Variants in CP observed in about 807,000 individuals in gnomAD.
CP encodes ceruloplasmin, also known as caeruloplasmin.
Under a neutral mutation model 122.4 loss-of-function variants are expected in CP, and 64 were observed. The observed-to-expected ratio is 0.52, with a 90% CI of 0.43 to 0.64. CP has a LOEUF of 0.64. Ranked by LOEUF, CP falls within the 30% of genes least tolerant of loss-of-function variation. CP has a pLI of 0.00. For missense variants in CP, 1,167 were observed against 1,284.4 expected (o/e 0.91, Z 1.40); for synonymous variants, 440 against 436.4 (o/e 1.01, Z -0.10).
At chr3:149,180,001 C>T in intron 14 of CP, 1 of 289,464 alleles carries the variant, frequency 3.5e-6, no homozygotes, top group Non-Finnish European at 6.7e-6. Context: ...GTGTGTTTTC[C>T]TAATATACTT....
chr3:149,168,573 A>G (rs545136573), downstream of CP: 1 of 152,482 alleles, frequency 6.6e-6, no homozygotes, highest in East Asian at 1.9e-4. Context: ...AGCACATAAA[A>G]TATTAGAAAT....
intron 9 of CP, among the ~76,000 whole-genome samples, chr3:149,189,685 A>G (rs1421774242): frequency 4.6e-5 from 7 of 152,344 alleles, no homozygotes; most frequent in African/African-American, 1.7e-4. Context: ...ACAAAAATGT[A>G]ACACCAGGTA....
intron 6 of CP, 148 bp from the exon 7 acceptor site, chr3:149,202,389 C>G: frequency 1.0e-6 from 1 of 970,034 alleles, no homozygotes. Flanking sequence ...ACCAGTTACT[C>G]AAACAAAGCA....
intron 17 of CP, 43 bp downstream of exon 17, chr3:149,177,797 A>C: frequency 6.2e-7 from 1 of 1,605,452 alleles, no homozygotes; most frequent in Non-Finnish European, 8.5e-7. Flanking sequence ...GTATTAAAAC[A>C]TTTTCAAACA....
intron 2 of CP, among the ~76,000 whole-genome samples, chr3:149,212,177 A>G (rs1011150161): frequency 4.6e-4 from 70 of 151,766 alleles, no homozygotes; most frequent in Admixed American, 8.5e-4. Flanking sequence ...CAGGCATGGT[A>G]GTGGGCGCCT....
chr3:149,181,369 GCCA>G (rs1725764808), intron 14 of CP, among the ~76,000 whole-genome samples: 2 of 152,236 alleles, frequency 1.3e-5, no homozygotes, highest in South Asian at 4.1e-4. Context: ...TTTCAGCAAT[GCCA>G]CCTCCTCAAG....
chr3:149,215,063 T>TA (rs1728377148), intron 1 of CP, among the ~76,000 whole-genome samples: 1 of 152,224 alleles, frequency 6.6e-6, no homozygotes, highest in Non-Finnish European at 1.5e-5. Flanking sequence ...GAGAGATTGA[T>TA]TTGATAATAT....
rs529607771 is a variant in CP at position 149,179,606 on chromosome 3, C to T, written c.2611G>A (p.Asp871Asn). ...TAAGCCCATGGAATACAAGCAGAAT[C>T]CTCTGTTCCAGCTCCAGATCTTTCT... The part of the protein sequence containing the change: ...IPERSGAGTE[D>N]SACIPWAYYS... The change falls in exon 15 of 19, where the codon GAT becomes AAT. Residue 871 changes from aspartate to asparagine, a missense_variant. Physicochemically the swap from Asp to Asn is conservative, Grantham distance 23. This residue lies in a region of CP where 525 missense variants were observed against 657.2 expected (regional missense o/e 0.80). Coordinates refer to ENST00000264613, the MANE Select transcript of CP (RefSeq NM_000096.4). The T allele has an allele frequency of 4.1e-4, 657 of 1,613,696 alleles. 13 individuals are homozygous for T. The South Asian group carries it at 5.8e-3, about 14-fold the overall frequency.
Position 149,176,003 on chromosome 3 carries a change from A to G in CP, c.3181+247T>C, listed in dbSNP as rs75303683. 1,104 of 507,118 alleles carry G rather than the reference A, an allele frequency of 2.2e-3. 17 individuals carry two copies. In the East Asian group the frequency reaches 0.031, roughly 14 times the overall value. 31.4% of individuals were successfully genotyped at this position (507,118 alleles called of 1,614,324 possible). A position where few individuals can be genotyped will look rare whatever the true frequency, so the allele number is the denominator to read the frequency against. On this transcript the variant is annotated intron_variant, in intron 18 of 18. Coordinates refer to ENST00000264613, the MANE Select transcript of CP (RefSeq NM_000096.4). ...CCTTATATCAGCTTTAAGTATAATTACACATTTGTATTAACTTAGAAATGA... is the reference window on the plus strand; with the variant it reads ...CCTTATATCAGCTTTAAGTATAATTGCACATTTGTATTAACTTAGAAATGA...
chr3:149,204,268 T>C (rs1259607236), intron 6 of CP, among the ~76,000 whole-genome samples: 3 of 152,134 alleles, frequency 2.0e-5, no homozygotes, highest in African/African-American at 7.2e-5. Flanking sequence ...GGCAGATGTT[T>C]GGAGAATGTG....
intron 18 of CP, among the ~76,000 whole-genome samples, chr3:149,174,597 G>A (rs1284264254): frequency 6.6e-6 from 1 of 152,176 alleles, no homozygotes; most frequent in African/African-American, 2.4e-5. Context: ...TATACATTCA[G>A]TAAGCAAACT....
chr3:149,184,025 C>CTTTTTTTTTTT lies in CP; in HGVS notation c.2286-421_2286-420insAAAAAAAAAAA, dbSNP rs1559939313. On this transcript the variant is annotated intron_variant, in intron 12 of 18. Coordinates refer to ENST00000264613, the MANE Select transcript of CP (RefSeq NM_000096.4). ...TTCCCAGGCATTCCCTTTTCACTTA[C>CTTTTTTTTTTT]TTCTTTTTTTTTTTTTTTTTTTTTT... is the stretch of plus-strand genomic sequence containing the variant. 4.5e-5 allele frequency among the ~76,000 whole-genome samples: 3 copies of CTTTTTTTTTTT among 66,304 alleles called. 1 individual carries two copies. The highest frequency in any genetic ancestry group is 3.4e-5 in the Non-Finnish European group (1 of 29,530). 43.5% of individuals were successfully genotyped at this position (66,304 alleles called of 152,430 possible).
At chr3:149,166,610 A>G (rs1175443343) in intron 4 of CP, among the ~76,000 whole-genome samples, 2 of 152,164 alleles carry the variant, frequency 1.3e-5, no homozygotes, top group Non-Finnish European at 2.9e-5. Context: ...TGAGTGTGCC[A>G]TATGTATTTA....
rs752223802 is a variant in CP at position 149,198,629 on chromosome 3, A to T, written c.1502-51T>A. On this transcript the variant is annotated intron_variant, in intron 8 of 18. Transcript: ENST00000264613. The stretch of plus-strand genomic sequence containing the variant: ...GTGAAGTGTGCTTTCTAACGTGGTC[A>T]TTTGAGCCACAAAGTAGACTAAGTT... The T allele has an allele frequency of 3.3e-6, 5 of 1,516,352 alleles. No individual in the cohort carries two copies. In the South Asian group the frequency reaches 5.7e-5, roughly 17 times the overall value. The allele number at this position is 1,516,352 out of a possible 1,614,324, so 93.9% of individuals were successfully genotyped here.
At chr3:149,216,668 G>A (rs1313784616) in intron 1 of CP, among the ~76,000 whole-genome samples, 2 of 152,116 alleles carry the variant, frequency 1.3e-5, no homozygotes, top group Admixed American at 6.5e-5. Context: ...CTCAACCTAG[G>A]TATATATAAC....
At chr3:149,219,164 G>A (rs1386121630) in intron 1 of CP, among the ~76,000 whole-genome samples, 1 of 152,306 alleles carries the variant, frequency 6.6e-6, no homozygotes, top group African/African-American at 2.4e-5. Flanking sequence ...CACAGAGAAA[G>A]CAGTCCCACC....
At chr3:149,177,724 C>A (rs1576727459) in intron 17 of CP, 116 bp downstream of exon 17, 1 of 1,054,606 alleles carries the variant, frequency 9.5e-7, no homozygotes, top group East Asian at 2.4e-5. Flanking sequence ...GGATATGAAG[C>A]ACCGGCTGTA....
chr3:149,197,782 G>T (rs914070268), intron 9 of CP, among the ~76,000 whole-genome samples: 1 of 152,128 alleles, frequency 6.6e-6, no homozygotes, highest in South Asian at 2.1e-4. Context: ...TAGGATTTGC[G>T]CTCGTATGAG....
At chr3:149,165,465 G>C (rs1724320800) in intron 5 of CP, among the ~76,000 whole-genome samples, 1 of 147,300 alleles carries the variant, frequency 6.8e-6, no homozygotes, top group African/African-American at 2.5e-5. Flanking sequence ...GAGAAACATA[G>C]TCTGCCTAAA....
Sources: allele counts gnomAD v4.1 joint callset (sites outside exome capture counted in the v4.1 genomes callset), GRCh38; gene constraint gnomAD v4.1.1; regional missense constraint gnomAD v4.1.1; transcripts MANE v1.5; gene names NCBI Gene and HGNC (gene_info 2026-07-23, HGNC 2026-07-21).